Variants in SORCS2 observed in about 807,000 individuals in gnomAD.
SORCS2 encodes VPS10 domain-containing receptor SorCS2.
In SORCS2, 100 loss-of-function variants were observed where a neutral mutation model predicts 141.6. The observed-to-expected ratio is 0.71, with a 90% CI of 0.60 to 0.83. The LOEUF is 0.83. Ranked by LOEUF, SORCS2 falls within the 40% of genes least tolerant of loss-of-function variation. The probability of loss-of-function intolerance (pLI) is 0.00; values close to 1 mark genes in which losing one functional copy is unlikely to be tolerated. For synonymous variants in SORCS2, 789 were observed against 676.9 expected (o/e 1.17, Z -2.57); for missense variants, 1,646 against 1,560.2 (o/e 1.05, Z -0.93).
intron 3 of SORCS2, among the ~76,000 whole-genome samples, chr4:7,559,132 A>C (rs1714346845): frequency 6.6e-6 from 1 of 152,012 alleles, no homozygotes; most frequent in African/African-American, 2.4e-5. Context: ...CTCTGCCTGG[A>C]ATGGTCTTCT....
chr4:7,329,728 T>G (rs1366976892), intron 1 of SORCS2, among the ~76,000 whole-genome samples: 1 of 152,178 alleles, frequency 6.6e-6, no homozygotes, highest in African/African-American at 2.4e-5. Flanking sequence ...TGGCTCAACT[T>G]AACATGTTTT....
At chr4:7,219,051 A>G (rs1175119727) in intron 1 of SORCS2, among the ~76,000 whole-genome samples, 1 of 152,174 alleles carries the variant, frequency 6.6e-6, no homozygotes, top group Non-Finnish European at 1.5e-5. Context: ...TGGCATGCAC[A>G]GCTGGCTCCT....
rs188477626 is a variant in SORCS2 at position 7,606,260 on chromosome 4, T to C, written c.649-32068T>C. Among the ~76,000 whole-genome samples, 179 of 152,314 alleles carry C rather than the reference T, an allele frequency of 1.2e-3. No homozygotes were observed. In the East Asian group the frequency reaches 0.027, roughly 23 times the overall value. ...CTCCTGTAAATAACAATTTGCTCTT[T>C]ACAACCTGCCGGAGAATAGAGCTAG... On this transcript the variant is annotated intron_variant, in intron 3 of 26. Coordinates refer to ENST00000507866, the MANE Select transcript of SORCS2 (RefSeq NM_020777.3).
At chr4:7,255,407 A>G (rs976576835) in intron 1 of SORCS2, among the ~76,000 whole-genome samples, 1 of 152,128 alleles carries the variant, frequency 6.6e-6, no homozygotes, top group African/African-American at 2.4e-5. Flanking sequence ...AGTGAAATAG[A>G]ACTGAAGTGA....
intron 1 of SORCS2, among the ~76,000 whole-genome samples, chr4:7,386,650 C>G (rs1363519581): frequency 3.3e-5 from 5 of 151,466 alleles, no homozygotes; most frequent in Non-Finnish European, 2.9e-5. Context: ...CACAGATACA[C>G]AGAAATACAT....
chr4:7,402,966 GC>G (rs1724695653), intron 2 of SORCS2, among the ~76,000 whole-genome samples: 1 of 151,694 alleles, frequency 6.6e-6, no homozygotes, highest in South Asian at 2.1e-4. Context: ...TCATTTCCAG[GC>G]CCCTTAATTT....
chr4:7,411,731 C>G (rs1263186113), intron 2 of SORCS2, among the ~76,000 whole-genome samples: 1 of 152,128 alleles, frequency 6.6e-6, no homozygotes, highest in Non-Finnish European at 1.5e-5. Context: ...GACAAGGAAC[C>G]AATCCATGAC....
chr4:7,591,539 C>T (rs1215565479), intron 3 of SORCS2, among the ~76,000 whole-genome samples: 4 of 152,202 alleles, frequency 2.6e-5, no homozygotes, highest in African/African-American at 9.6e-5. Context: ...TTGGCTGTGG[C>T]AGAGCCAACG....
intron 4 of SORCS2, among the ~76,000 whole-genome samples, chr4:7,649,600 C>T (rs1435461041): frequency 6.6e-6 from 1 of 152,040 alleles, no homozygotes; most frequent in Non-Finnish European, 1.5e-5. Flanking sequence ...TTAGACATGG[C>T]AGCAGGAAGG....
intron 2 of SORCS2, among the ~76,000 whole-genome samples, chr4:7,428,062 C>G (rs1313128798): frequency 6.6e-6 from 1 of 152,202 alleles, no homozygotes; most frequent in Non-Finnish European, 1.5e-5. Flanking sequence ...CATACCCAGA[C>G]TCCATCCAGC....
intron 1 of SORCS2, among the ~76,000 whole-genome samples, chr4:7,240,656 T>C (rs1284483100): frequency 6.6e-6 from 1 of 152,158 alleles, no homozygotes; most frequent in Non-Finnish European, 1.5e-5. Context: ...TGAAGGGCTG[T>C]CTTTGAAAAT....
intron 21 of SORCS2, 107 bp from the exon 22 acceptor site, chr4:7,728,243 C>T: frequency 1.4e-6 from 1 of 696,106 alleles, no homozygotes. Context: ...GAATCAAAGG[C>T]CTCCCGGGAC....
chr4:7,297,764 G>A (rs1717178891), intron 1 of SORCS2, among the ~76,000 whole-genome samples: 4 of 152,204 alleles, frequency 2.6e-5, no homozygotes. Flanking sequence ...CACTCAGGCT[G>A]GCCTCAGGCA....
At chr4:7,284,037 G>A (rs1034299310) in intron 1 of SORCS2, among the ~76,000 whole-genome samples, 6 of 152,152 alleles carry the variant, frequency 3.9e-5, no homozygotes, top group Admixed American at 3.9e-4. Context: ...CGTCTGATCT[G>A]GGGACACCTG....
At chr4:7,676,271 C>CCTGCCCT (rs1560474991) in intron 9 of SORCS2, 42 bp downstream of exon 9, 1 of 1,539,004 alleles carries the variant, frequency 6.5e-7, no homozygotes, top group South Asian at 1.2e-5. Context: ...CCGCCGACCC[C>CCTGCCCT]CTGCCCTCTG....
chr4:7,739,073 C>T (rs896224626), intron 26 of SORCS2, among the ~76,000 whole-genome samples: 3 of 152,204 alleles, frequency 2.0e-5, no homozygotes, highest in Admixed American at 6.5e-5. Context: ...TCTGACTTCC[C>T]GGAGGCAGTC....
At chr4:7,259,114 G>C (rs769434549) in intron 1 of SORCS2, among the ~76,000 whole-genome samples, 10 of 152,206 alleles carry the variant, frequency 6.6e-5, no homozygotes, top group Non-Finnish European at 1.3e-4. Flanking sequence ...TTGCTGTGTA[G>C]AAGCTCTTTC....
At chr4:7,283,395 C>T (rs991757416) in intron 1 of SORCS2, among the ~76,000 whole-genome samples, 18 of 152,276 alleles carry the variant, frequency 1.2e-4, no homozygotes, top group African/African-American at 3.4e-4. Context: ...GAAGCAAGAC[C>T]GGGGCAAAGT....
At chr4:7,572,125 A>AAGCT (rs1237484974) in intron 3 of SORCS2, among the ~76,000 whole-genome samples, 2 of 152,130 alleles carry the variant, frequency 1.3e-5, no homozygotes, top group Non-Finnish European at 2.9e-5. Context: ...CCTGGTCTTG[A>AAGCT]AGCTCCTCAG....
Sources: gnomAD v4.1 joint callset for allele counts (sites outside exome capture counted in the v4.1 genomes callset) on GRCh38, gnomAD v4.1.1 for gene constraint, MANE v1.5 for transcripts, NCBI Gene and HGNC (gene_info 2026-07-23, HGNC 2026-07-21) for gene names.